NCAM2: variants seen among roughly 807,000 people sequenced by gnomAD.
NCAM2 encodes the protein neural cell adhesion molecule 2.
A neutral mutation model predicts 98.1 loss-of-function variants in NCAM2; 30 were observed. The observed-to-expected ratio is 0.31, with a 90% CI of 0.23 to 0.41. The LOEUF (loss-of-function observed/expected upper bound fraction) is 0.41. Ranked by LOEUF, NCAM2 falls within the 10% of genes least tolerant of loss-of-function variation. The pLI is 1.00. For missense variants in NCAM2, 867 were observed against 1,005.8 expected, an observed-to-expected ratio of 0.86 and a Z score of 1.87; for synonymous variants, 368 against 342.4, an observed-to-expected ratio of 1.07 and a Z score of -0.83.
At chr21:21,193,896 T>C (rs1601612431) in intron 1 of NCAM2, among the ~76,000 whole-genome samples, 1 of 152,172 alleles carries the variant, frequency 6.6e-6, no homozygotes, top group East Asian at 1.9e-4. Flanking sequence ...AATATAACTG[T>C]TACAATTAAA....
In NCAM2 at chr21:21,360,818, A is replaced by T. The variant is rs146636407; in HGVS notation, c.1045-13045A>T. Among the ~76,000 whole-genome samples the T allele has an allele frequency of 2.8e-4, 42 of 152,120 alleles. 1 individual carries two copies. In the East Asian group the frequency reaches 7.9e-3, roughly 29 times the overall value. On this transcript the variant is annotated intron_variant, in intron 8 of 17. Coordinates refer to ENST00000400546, the MANE Select transcript of NCAM2 (RefSeq NM_004540.5). Reference sequence around the variant, plus strand: ...CCCACAGTAATTTTAAGTGGTCTGTATTTAAAATTATGTTCCAGAACATAA... The same window carrying T: ...CCCACAGTAATTTTAAGTGGTCTGTTTTTAAAATTATGTTCCAGAACATAA...
intron 1 of NCAM2, among the ~76,000 whole-genome samples, chr21:21,121,890 C>CAAAAGTGATGAGACAGGG (rs1569045215): frequency 6.6e-6 from 1 of 152,160 alleles, no homozygotes; most frequent in Non-Finnish European, 1.5e-5. Context: ...TACATTTCTT[C>CAAAAGTGATGAGACAGGG]AAAAGTGATG....
chr21:21,265,733 G>A (rs1253283435), intron 1 of NCAM2, among the ~76,000 whole-genome samples: 1 of 151,584 alleles, frequency 6.6e-6, no homozygotes, highest in Non-Finnish European at 1.5e-5. Context: ...TATATAGGTG[G>A]ACATTGGGGA....
chr21:21,079,442 G>T (rs1369252736), intron 1 of NCAM2, among the ~76,000 whole-genome samples: 1 of 152,106 alleles, frequency 6.6e-6, no homozygotes. Flanking sequence ...GGGAAAATAA[G>T]ACTTCATGAA....
chr21:21,286,517 A>G (rs1485365591), intron 4 of NCAM2, 105 bp downstream of exon 4: 6 of 1,244,850 alleles, frequency 4.8e-6, no homozygotes, highest in African/African-American at 3.0e-5. Context: ...TTTTGACCCC[A>G]AATATTCAAC....
intron 1 of NCAM2, among the ~76,000 whole-genome samples, chr21:21,238,363 T>A (rs2147223287): frequency 6.6e-6 from 1 of 152,308 alleles, no homozygotes; most frequent in Admixed American, 6.5e-5. Context: ...AATACATACA[T>A]TTATTTGCTT....
chr21:21,519,124 C>A (rs536487953), intron 16 of NCAM2, among the ~76,000 whole-genome samples: 1 of 152,072 alleles, frequency 6.6e-6, no homozygotes, highest in African/African-American at 2.4e-5. Context: ...GAAAGAGAAA[C>A]TGGTATAAAT....
intron 9 of NCAM2, among the ~76,000 whole-genome samples, chr21:21,402,486 T>A (rs2076652329): frequency 6.6e-6 from 1 of 152,140 alleles, no homozygotes; most frequent in Non-Finnish European, 1.5e-5. Flanking sequence ...TCTGTTAAGA[T>A]GTTTATCAAG....
intron 1 of NCAM2, among the ~76,000 whole-genome samples, chr21:21,033,014 G>C (rs138361015): frequency 1.1e-4 from 17 of 150,796 alleles, no homozygotes; most frequent in Non-Finnish European, 2.2e-4. Flanking sequence ...GTATGATCTC[G>C]GCTAACTGCA....
At chr21:21,414,526 A>C in intron 10 of NCAM2, among the ~76,000 whole-genome samples, 1 of 147,440 alleles carries the variant, frequency 6.8e-6, no homozygotes. Context: ...GCTGGAGTGC[A>C]ATGGCACGAT....
intron 1 of NCAM2, among the ~76,000 whole-genome samples, chr21:21,246,591 TTGG>T (rs1183679762): frequency 1.3e-5 from 2 of 152,232 alleles, no homozygotes; most frequent in Admixed American, 1.3e-4. Flanking sequence ...ATTTGAGGTT[TTGG>T]TAGTAACAAA....
intron 1 of NCAM2, among the ~76,000 whole-genome samples, chr21:21,149,669 T>C (rs1006724458): frequency 6.6e-6 from 1 of 152,084 alleles, no homozygotes; most frequent in African/African-American, 2.4e-5. Flanking sequence ...GTGTGGTGTT[T>C]GGTTTTGTTC....
rs1261587928 is a variant in NCAM2, at chr21:21,051,888, G to A, written c.55+53270G>A. Among the ~76,000 whole-genome samples the A allele has an allele frequency of 2.6e-5, 4 of 152,180 alleles. No individual in the cohort carries two copies. The East Asian group carries it at 7.7e-4, about 29-fold the overall frequency. The stretch of plus-strand genomic sequence containing the variant: ...GTGGTAATAACAGTGGCACAGATAA[G>A]CGACTGCAAAAACCTTTTTCCACAG... On this transcript the variant is annotated intron_variant, in intron 1 of 17. Coordinates refer to ENST00000400546, the MANE Select transcript of NCAM2 (RefSeq NM_004540.5).
At chr21:21,326,794 A>G (rs2074523472) in intron 6 of NCAM2, among the ~76,000 whole-genome samples, 1 of 152,146 alleles carries the variant, frequency 6.6e-6, no homozygotes, top group Non-Finnish European at 1.5e-5. Context: ...TAAAATATAT[A>G]CTGGGAGGAT....
intron 14 of NCAM2, among the ~76,000 whole-genome samples, chr21:21,473,559 T>A (rs1209414548): frequency 6.6e-6 from 1 of 151,538 alleles, no homozygotes; most frequent in East Asian, 1.9e-4. Flanking sequence ...ATACAAAATC[T>A]TAAATCATAG....
At chr21:21,390,646 T>G (rs1457679937) in intron 9 of NCAM2, among the ~76,000 whole-genome samples, 1 of 152,208 alleles carries the variant, frequency 6.6e-6, no homozygotes, top group Admixed American at 6.5e-5. Context: ...TTAGAATGGA[T>G]TACATTAAAG....
intron 17 of NCAM2, among the ~76,000 whole-genome samples, chr21:21,536,432 C>T (rs1335775356): frequency 6.7e-6 from 1 of 150,292 alleles, no homozygotes; most frequent in Non-Finnish European, 1.5e-5. Context: ...GCTCTTGTTG[C>T]CCAGGCTGGA....
At chr21:21,221,606 G>A (rs2070165912) in intron 1 of NCAM2, among the ~76,000 whole-genome samples, 1 of 152,158 alleles carries the variant, frequency 6.6e-6, no homozygotes, top group South Asian at 2.1e-4. Flanking sequence ...GCCTAATCCG[G>A]AGCAATACCC....
At chr21:21,425,040 C>CAAAAAAAAA (rs1192128472) in intron 11 of NCAM2, among the ~76,000 whole-genome samples, 2,364 of 43,730 alleles carry the variant, frequency 0.054, 252 homozygotes, top group East Asian at 0.13. Flanking sequence ...CTTCCTCCTC[C>CAAAAAAAAA]AAAAAAAAAA....
Sources: gnomAD v4.1 joint callset for allele counts (sites outside exome capture counted in the v4.1 genomes callset) on GRCh38, gnomAD v4.1.1 for gene constraint, MANE v1.5 for transcripts, NCBI Gene and HGNC (gene_info 2026-07-23, HGNC 2026-07-21) for gene names.